IGF2R: variants seen among roughly 807,000 people sequenced by gnomAD.
IGF2R encodes cation-independent mannose-6-phosphate receptor.
IGF2R carries 91 observed loss-of-function variants against 270.6 expected under a neutral mutation model. That is an observed-to-expected ratio of 0.34 (90% confidence interval 0.28 to 0.40). The LOEUF is 0.40. Among genes scored for constraint, IGF2R ranks in the 10% least tolerant of loss-of-function variants. IGF2R has a pLI of 1.00. For synonymous variants in IGF2R, 1,316 were observed against 1,258.9 expected (o/e 1.05, Z -0.96); for missense variants, 2,805 against 3,188.3 (o/e 0.88, Z 2.90).
At chr6:160,033,188 C>T in intron 9 of IGF2R, 81 bp downstream of exon 9, 1 of 973,100 alleles carries the variant, frequency 1.0e-6, no homozygotes, top group Non-Finnish European at 1.6e-6. Context: ...CCAGGCTAGA[C>T]TGCAGTGGTG....
intron 4 of IGF2R, among the ~76,000 whole-genome samples, chr6:160,016,322 C>A (rs906720733): frequency 6.6e-6 from 1 of 152,224 alleles, no homozygotes; most frequent in Non-Finnish European, 1.5e-5. Flanking sequence ...ACCGTTGGGG[C>A]CAGTGCTTGT....
At chr6:160,020,798 G>GTCGGAT (rs1777414965) in intron 4 of IGF2R, among the ~76,000 whole-genome samples, 1 of 152,128 alleles carries the variant, frequency 6.6e-6, no homozygotes, top group Non-Finnish European at 1.5e-5. Flanking sequence ...ATTAACTCAG[G>GTCGGAT]TCGGATTAGC....
intron 1 of IGF2R, among the ~76,000 whole-genome samples, chr6:159,976,847 C>G (rs561813529): frequency 6.6e-6 from 1 of 152,282 alleles, no homozygotes; most frequent in African/African-American, 2.4e-5. Flanking sequence ...TGGCCTAACA[C>G]CTAGTCAAGT....
At chr6:160,093,056 TA>T (rs1460290460) in intron 44 of IGF2R, 2 of 152,422 alleles carry the variant, frequency 1.3e-5, no homozygotes, top group African/African-American at 4.8e-5. Context: ...AGCAAAAAGA[TA>T]CAGGTTAAAA....
intron 1 of IGF2R, among the ~76,000 whole-genome samples, chr6:159,990,185 A>G (rs940019818): frequency 3.3e-5 from 5 of 152,220 alleles, no homozygotes; most frequent in Non-Finnish European, 7.3e-5. Context: ...TGGAAAGGCT[A>G]TTACTATCTT....
chr6:159,992,508 G>A (rs1783994162), intron 2 of IGF2R, among the ~76,000 whole-genome samples: 1 of 151,926 alleles, frequency 6.6e-6, no homozygotes, highest in South Asian at 2.1e-4. Flanking sequence ...AGGATAATGT[G>A]CTATTGTTCA....
intron 19 of IGF2R, among the ~76,000 whole-genome samples, chr6:160,054,442 T>C (rs1477401128): frequency 6.6e-6 from 1 of 152,184 alleles, no homozygotes; most frequent in Non-Finnish European, 1.5e-5. Context: ...TTGTGGTCTC[T>C]TATCAGCAGG....
chr6:160,098,265 T>C (rs916761326), intron 45 of IGF2R, among the ~76,000 whole-genome samples: 4 of 152,160 alleles, frequency 2.6e-5, no homozygotes, highest in African/African-American at 9.7e-5. Flanking sequence ...CTTTGGTGTT[T>C]GACTCTAAAA....
In IGF2R at chr6:159,974,200, G is replaced by A. The variant is rs1783654189; in HGVS notation, c.149+4805G>A. Among the ~76,000 whole-genome samples, 4 of 152,308 alleles carry A rather than the reference G, an allele frequency of 2.6e-5. No individual in the cohort carries two copies. In the South Asian group the frequency reaches 8.3e-4, roughly 32 times the overall value. On this transcript the variant is annotated intron_variant, in intron 1 of 47. Transcript: ENST00000356956. ...AGTGGAGTTGTAATGGTATCTCAGT[G>A]TGGTTTCAGCTTTCATCTCTCTGCT...
At position 160,044,673 on chromosome 6, in the gene IGF2R, A is replaced by G. The variant is rs1778029377; in HGVS notation, c.1765+16A>G. 2 of 1,591,122 alleles carry G rather than the reference A, an allele frequency of 1.3e-6. No homozygotes were observed. Among genetic ancestry groups the G allele is most frequent in the Non-Finnish European group, 1.7e-6 (2 of 1,171,564 alleles). On this transcript the variant is annotated intron_variant, in intron 13 of 47. Coordinates refer to ENST00000356956, the MANE Select transcript of IGF2R (RefSeq NM_000876.4). ...TGCAAGCCAGGTAAAAATTTTAAAA[A>G]AGATGAAATCTTTTCTGGCTTCTGC...
Position 160,074,943 on chromosome 6 carries a change from C to T in IGF2R, c.5167-904C>T, listed in dbSNP as rs9457822. Among the ~76,000 whole-genome samples, 355 of 152,276 alleles carry T rather than the reference C, an allele frequency of 2.3e-3. 1 individual carries two copies. The highest frequency in any genetic ancestry group is 8.4e-3 in the African/African-American group (351 of 41,554). On this transcript the variant is annotated intron_variant, in intron 35 of 47. Coordinates refer to ENST00000356956, the MANE Select transcript of IGF2R (RefSeq NM_000876.4). ...ACAGCGCAGACCGGGGATCCTCGAT[C>T]GGGAATCATTGCCTGGCCACCCATT...
At chr6:160,080,888 C>T (rs551882139) in intron 39 of IGF2R, among the ~76,000 whole-genome samples, 58 of 151,124 alleles carry the variant, frequency 3.8e-4, no homozygotes, top group African/African-American at 1.1e-3. Flanking sequence ...GAGGCTGAGG[C>T]GGGTGGATCA....
rs1315730146 is a variant in IGF2R, at chr6:160,073,950, A to G, written c.5141A>G (p.Lys1714Arg). 3 of 1,613,396 alleles carry G rather than the reference A, an allele frequency of 1.9e-6. No homozygotes were observed. The highest frequency in any genetic ancestry group is 1.1e-5 in the South Asian group (1 of 90,908). Residue 1714 changes from lysine to arginine, a missense_variant, in exon 35 of 48, where the codon AAA becomes AGA. This residue lies in a region of IGF2R where 1,851 missense variants were observed against 2,207.2 expected (regional missense o/e 0.84). Coordinates refer to ENST00000356956, the MANE Select transcript of IGF2R (RefSeq NM_000876.4). ...TGTCCTGCCGGAGCCGCTGTGTGCA[A>G]AGTTCCTATTGATGGTCCCCCCATA... is the stretch of plus-strand genomic sequence containing the variant. The part of the protein sequence containing the change: ...VPCPAGAAVC[K>R]VPIDGPPIDI...
At chr6:160,065,820 A>G (rs71551150) in intron 29 of IGF2R, among the ~76,000 whole-genome samples, 1,420 of 59,332 alleles carry the variant, frequency 0.024, 32 homozygotes, top group East Asian at 0.13. Context: ...GTGTGTATAT[A>G]TATATATATA....
intron 45 of IGF2R, 105 bp downstream of exon 45, chr6:160,096,730 C>G (rs1779368764): frequency 2.1e-6 from 2 of 948,644 alleles, no homozygotes; most frequent in Non-Finnish European, 3.1e-6. Context: ...ATATTCAGAA[C>G]ATGCACCAAA....
At chr6:160,060,738 A>G in intron 23 of IGF2R, 21 bp downstream of exon 23, 1 of 1,613,398 alleles carries the variant, frequency 6.2e-7, no homozygotes, top group South Asian at 1.1e-5. Context: ...GCGGCCTAAG[A>G]ACTGAGAGGC....
intron 38 of IGF2R, 72 bp downstream of exon 38, chr6:160,079,859 G>A: frequency 7.4e-7 from 1 of 1,343,286 alleles, no homozygotes; most frequent in East Asian, 2.5e-5. Context: ...GCAGCAGAAA[G>A]AAGCTGCGGA....
chr6:160,028,637 G>A (rs995084895), intron 6 of IGF2R, among the ~76,000 whole-genome samples: 5 of 152,242 alleles, frequency 3.3e-5, no homozygotes, highest in African/African-American at 1.2e-4. Context: ...AACCCTGGTG[G>A]TGGGGGCCAT....
At chr6:160,011,474 C>T (rs1003034803) in intron 4 of IGF2R, among the ~76,000 whole-genome samples, 6 of 149,714 alleles carry the variant, frequency 4.0e-5, no homozygotes, top group Admixed American at 4.0e-4. Context: ...TTATGTGCAA[C>T]ATGATATTTT....
Sources: allele counts gnomAD v4.1 joint callset (sites outside exome capture counted in the v4.1 genomes callset), GRCh38; gene constraint gnomAD v4.1.1; regional missense constraint gnomAD v4.1.1; transcripts MANE v1.5; gene names NCBI Gene and HGNC (gene_info 2026-07-23, HGNC 2026-07-21).